JAK2: variants seen among roughly 807,000 people sequenced by gnomAD.
The protein encoded by JAK2 is tyrosine-protein kinase JAK2.
In JAK2, 86 loss-of-function variants were observed where a neutral mutation model predicts 139.3. That is an observed-to-expected ratio of 0.62 (90% CI 0.52 to 0.74). JAK2 has a LOEUF of 0.74. Ranked by LOEUF, JAK2 falls within the 30% of genes least tolerant of loss-of-function variation. JAK2 has a pLI of 0.00. For missense variants in JAK2, 1,421 were observed against 1,360.3 expected (o/e 1.04, Z -0.70); for synonymous variants, 490 against 437.7 (o/e 1.12, Z -1.49).
chr9:5,041,724 G>A (rs1586687907), intron 4 of JAK2: 5 of 498,452 alleles, frequency 1.0e-5, no homozygotes, highest in Admixed American at 6.8e-5. Flanking sequence ...CGAGGGGCTC[G>A]GGAAGCCCTT....
chr9:5,070,192 A>C (rs1336102978), intron 12 of JAK2, 140 bp downstream of exon 12: 2 of 501,050 alleles, frequency 4.0e-6, no homozygotes, highest in Non-Finnish European at 6.6e-6. Flanking sequence ...CTTATGAAAA[A>C]TATGCCAACC....
At chr9:5,072,790 T>A (rs1396939779) in intron 13 of JAK2, among the ~76,000 whole-genome samples, 164 bp downstream of exon 13, 2 of 151,984 alleles carry the variant, frequency 1.3e-5, no homozygotes, top group Admixed American at 1.3e-4. Context: ...AATTACAGGG[T>A]TTGAAAATTA....
intron 22 of JAK2, chr9:5,111,771 C>T (rs756471031): frequency 7.1e-6 from 3 of 422,100 alleles, no homozygotes; most frequent in African/African-American, 4.1e-5. Flanking sequence ...GGTGGGCTTC[C>T]GGCTGCATCC....
chr9:5,120,440 A>G (rs1328432670), intron 22 of JAK2, among the ~76,000 whole-genome samples: 1 of 152,206 alleles, frequency 6.6e-6, no homozygotes, highest in African/African-American at 2.4e-5. Flanking sequence ...TAAAAACTCA[A>G]TTTCATTTAA....
chr9:5,028,600 T>C lies in JAK2; in HGVS notation c.227-1183T>C, dbSNP rs566347262. On this transcript the variant is annotated intron_variant, in intron 3 of 24. Coordinates refer to ENST00000381652, the MANE Select transcript of JAK2 (RefSeq NM_004972.4). ...ACTCCTAGATGGTATCTTCTTCCAA[T>C]AGAAGGCTGTTTTGTCTACACTGAA... Among the ~76,000 whole-genome samples the C allele has an allele frequency of 3.3e-5, 5 of 152,372 alleles. No homozygotes were observed. The East Asian group carries it at 7.7e-4, about 23-fold the overall frequency.
chr9:5,031,832 G>T (rs146517229), intron 4 of JAK2, among the ~76,000 whole-genome samples: 1 of 152,228 alleles, frequency 6.6e-6, no homozygotes, highest in Non-Finnish European at 1.5e-5. Context: ...CAGCATGGGC[G>T]ATGCAGAAGA....
intron 2 of JAK2, among the ~76,000 whole-genome samples, chr9:5,007,213 CCTTT>C (rs1479322213): frequency 1.1e-4 from 16 of 151,986 alleles, no homozygotes; most frequent in African/African-American, 1.9e-4. Flanking sequence ...CATTGTTCAG[CCTTT>C]CTTCTCGTCT....
intron 19 of JAK2, among the ~76,000 whole-genome samples, chr9:5,089,170 A>G (rs1319462671): frequency 6.6e-6 from 1 of 152,202 alleles, no homozygotes; most frequent in African/African-American, 2.4e-5. Context: ...AAGAAATTAA[A>G]TTTACAGATT....
chr9:5,066,897 G>A, intron 10 of JAK2, 108 bp downstream of exon 10: 1 of 454,162 alleles, frequency 2.2e-6, no homozygotes, highest in Non-Finnish European at 3.8e-6. Context: ...TATAGCTTTG[G>A]ATATGATAAC....
chr9:5,085,717 T>C (rs1820038701), intron 19 of JAK2: 1 of 751,780 alleles, frequency 1.3e-6, no homozygotes, highest in Admixed American at 1.8e-5. Flanking sequence ...GCAGTGTGGA[T>C]CATTTCTGCA....
intron 22 of JAK2, chr9:5,111,050 G>T: frequency 2.0e-6 from 2 of 1,016,814 alleles, no homozygotes; most frequent in Non-Finnish European, 2.9e-6. Flanking sequence ...CAATTCAGAG[G>T]TTCAGGTCTT....
At chr9:5,098,062 A>C (rs1564002108) in intron 22 of JAK2, 1 of 152,214 alleles carries the variant, frequency 6.6e-6, no homozygotes, top group African/African-American at 2.4e-5. Context: ...TTATGCTAAC[A>C]ATTTTTATAA....
chr9:5,111,947 C>T (rs973770031), intron 22 of JAK2: 10 of 348,022 alleles, frequency 2.9e-5, no homozygotes, highest in African/African-American at 6.6e-5. Context: ...CAAGCAATAA[C>T]TTGTGGTCCA....
At chr9:5,026,423 C>T (rs1297201247) in intron 3 of JAK2, among the ~76,000 whole-genome samples, 1 of 152,150 alleles carries the variant, frequency 6.6e-6, no homozygotes, top group Non-Finnish European at 1.5e-5. Context: ...TATTACACAT[C>T]TGTAAGTAGA....
intron 22 of JAK2, chr9:5,112,516 C>G: frequency 1.7e-6 from 1 of 580,300 alleles, no homozygotes; most frequent in Non-Finnish European, 3.1e-6. Context: ...CCTTTTCCCC[C>G]CAGAGCAGAA....
intron 22 of JAK2, chr9:5,114,506 G>C (rs147201739): frequency 3.4e-5 from 16 of 470,238 alleles, no homozygotes; most frequent in African/African-American, 2.4e-4. Flanking sequence ...AGGTCTACGT[G>C]TTTGCAACGC....
chr9:5,074,591 G>C (rs1409261981), intron 14 of JAK2, among the ~76,000 whole-genome samples: 1 of 152,180 alleles, frequency 6.6e-6, no homozygotes, highest in Non-Finnish European at 1.5e-5. Context: ...TGTGTGCTCT[G>C]ACTGCTCCAT....
At chr9:5,007,155 T>G (rs2129914223) in intron 2 of JAK2, among the ~76,000 whole-genome samples, 1 of 152,274 alleles carries the variant, frequency 6.6e-6, no homozygotes. Context: ...TTTTATGGTT[T>G]TTGGCTTAAT....
chr9:5,119,592 G>C (rs915903201), intron 22 of JAK2, among the ~76,000 whole-genome samples: 2 of 151,948 alleles, frequency 1.3e-5, no homozygotes, highest in African/African-American at 4.8e-5. Flanking sequence ...TACTTAATTT[G>C]CAATAAATAA....
Sources: allele counts gnomAD v4.1 joint callset (sites outside exome capture counted in the v4.1 genomes callset), GRCh38; gene constraint gnomAD v4.1.1; transcripts MANE v1.5; gene names NCBI Gene and HGNC (gene_info 2026-07-23, HGNC 2026-07-21).